WDR47: variants seen among roughly 807,000 people sequenced by gnomAD.
WDR47 encodes WD repeat domain 47, also known as WD repeat-containing protein 47.
WDR47 carries 32 observed loss-of-function variants against 97.2 expected under a neutral mutation model. That is an observed-to-expected ratio of 0.33 (90% CI 0.25 to 0.44). The LOEUF (loss-of-function observed/expected upper bound fraction) is 0.44, where lower values mean the gene tolerates loss of function less well. WDR47 is among the 20% of genes least tolerant of loss of function. The pLI, the probability that WDR47 is intolerant of heterozygous loss-of-function variation, is 1.00. For missense variants in WDR47, 782 were observed against 1,102.3 expected, an observed-to-expected ratio of 0.71 and a Z score of 4.11; for synonymous variants, 375 against 373.5, an observed-to-expected ratio of 1.00 and a Z score of -0.05.
intron 14 of WDR47, among the ~76,000 whole-genome samples, chr1:108,973,954 G>A (rs1657683374): frequency 6.6e-6 from 1 of 151,570 alleles, no homozygotes; most frequent in Non-Finnish European, 1.5e-5. Context: ...AGCACTCTGG[G>A]AGGCCAATGC....
intron 9 of WDR47, among the ~76,000 whole-genome samples, chr1:108,989,875 T>TA (rs1659184017): frequency 6.6e-6 from 1 of 152,066 alleles, no homozygotes; most frequent in East Asian, 1.9e-4. Context: ...TTTGTATTTT[T>TA]AGAAGAGATT....
intron 8 of WDR47, among the ~76,000 whole-genome samples, chr1:108,995,086 G>C (rs1659650154): frequency 6.6e-6 from 1 of 152,158 alleles, no homozygotes; most frequent in Non-Finnish European, 1.5e-5. Flanking sequence ...ATTAACACTT[G>C]TATACTAATG....
rs191774874 is a variant in WDR47 at position 109,002,454 on chromosome 1, A to T, written c.1255-52T>A. 27 of 1,335,872 alleles carry T rather than the reference A, an allele frequency of 2.0e-5. No individual in the cohort carries two copies. In the East Asian group the frequency reaches 6.6e-4, roughly 33 times the overall value. The allele number at this position is 1,335,872 out of a possible 1,614,324, so 82.8% of individuals were successfully genotyped here. Reference sequence around the variant, plus strand: ...ATATTTGAGCAAACTATGACAGAATATATCTTAACAGTACCTTTTATAAAT... The same window carrying T: ...ATATTTGAGCAAACTATGACAGAATTTATCTTAACAGTACCTTTTATAAAT... On this transcript the variant is annotated intron_variant, in intron 6 of 14. Transcript: ENST00000369962.
chr1:109,025,192 C>A (rs1344159127), intron 1 of WDR47, among the ~76,000 whole-genome samples: 1 of 152,022 alleles, frequency 6.6e-6, no homozygotes, highest in Admixed American at 6.6e-5. Context: ...AGTTCCAGCA[C>A]TTTGAGAGGT....
intron 5 of WDR47, among the ~76,000 whole-genome samples, chr1:109,007,042 A>G (rs1413550124): frequency 6.6e-6 from 1 of 151,742 alleles, no homozygotes; most frequent in East Asian, 1.9e-4. Flanking sequence ...GGCTCAATTG[A>G]TCCTCCCACC....
At chr1:109,006,562 A>G (rs1026216448) in intron 5 of WDR47, among the ~76,000 whole-genome samples, 2 of 152,238 alleles carry the variant, frequency 1.3e-5, no homozygotes, top group Admixed American at 6.5e-5. Flanking sequence ...TTTGCAACGT[A>G]TACAGAACTT....
intron 13 of WDR47, among the ~76,000 whole-genome samples, chr1:108,978,983 G>C (rs939468781): frequency 5.9e-5 from 9 of 152,280 alleles, no homozygotes; most frequent in African/African-American, 2.2e-4. Context: ...TTGAGGGTAA[G>C]AACTGGAAGG....
chr1:108,997,918 A>C (rs1659886451), intron 7 of WDR47, among the ~76,000 whole-genome samples: 1 of 152,094 alleles, frequency 6.6e-6, no homozygotes, highest in Non-Finnish European at 1.5e-5. Flanking sequence ...AATTATTGAG[A>C]GGTGTTGTGG....
At chr1:109,003,757 G>A (rs1467329419) in intron 6 of WDR47, among the ~76,000 whole-genome samples, 2 of 151,936 alleles carry the variant, frequency 1.3e-5, no homozygotes, top group African/African-American at 4.8e-5. Context: ...CACCTGTCTT[G>A]GCCTCCCAAA....
rs1036108816 is a variant in WDR47, at chr1:108,970,411, T to C, written c.*1019A>G. On this transcript the variant is annotated 3_prime_UTR_variant, in exon 15 of 15. Coordinates refer to ENST00000369962, the MANE Select transcript of WDR47 (RefSeq NM_001142551.2). ...TTTAAAGTAAAATTACTGTACAATATGAAAATAAAGATACATAAATGTTAG... is the reference window on the plus strand; with the variant it reads ...TTTAAAGTAAAATTACTGTACAATACGAAAATAAAGATACATAAATGTTAG... 1.3e-5 allele frequency: 2 copies of C among 152,538 alleles called. No individual in the cohort carries two copies. The highest frequency in any genetic ancestry group is 2.9e-5 in the Non-Finnish European group (2 of 68,012). The allele number at this position is 152,538 out of a possible 1,614,324, so 9.4% of individuals were successfully genotyped here. A position where few individuals can be genotyped will look rare whatever the true frequency, so the allele number is the denominator to read the frequency against.
At chr1:109,017,707 T>C in intron 2 of WDR47, 106 bp from the exon 3 acceptor site, 1 of 845,612 alleles carries the variant, frequency 1.2e-6, no homozygotes, top group South Asian at 1.6e-5. Context: ...AAGCACACAA[T>C]GAGATTAACA....
At chr1:109,017,274 G>T (rs1487504039) in intron 3 of WDR47, among the ~76,000 whole-genome samples, 1 of 152,054 alleles carries the variant, frequency 6.6e-6, no homozygotes, top group Non-Finnish European at 1.5e-5. Context: ...GATGGTACAC[G>T]CCTGTATAGT....
At chr1:108,995,959 T>C (rs1448588275) in intron 7 of WDR47, 122 bp from the exon 8 acceptor site, 2 of 1,032,262 alleles carry the variant, frequency 1.9e-6, no homozygotes, top group South Asian at 3.4e-5. Context: ...TATGGCAAAT[T>C]TAGTGTTAAA....
intron 6 of WDR47, among the ~76,000 whole-genome samples, chr1:109,003,801 AG>A (rs1236130197): frequency 6.6e-6 from 1 of 152,126 alleles, no homozygotes; most frequent in Non-Finnish European, 1.5e-5. Flanking sequence ...CACCATATCC[AG>A]CCTATATAAA....
Position 109,011,166 on chromosome 1 carries a change from A to G in WDR47, c.880T>C (p.Tyr294His). The G allele has an allele frequency of 1.2e-6, 2 of 1,614,188 alleles. No homozygotes were observed. Among genetic ancestry groups the G allele is most frequent in the Non-Finnish European group, 1.7e-6 (2 of 1,180,036 alleles). The change falls in exon 5 of 15, where the codon TAT becomes CAT. Residue 294 changes from tyrosine to histidine, a missense_variant. Physicochemically the swap from Tyr to His is moderately conservative, Grantham distance 83. Coordinates refer to ENST00000369962, the MANE Select transcript of WDR47 (RefSeq NM_001142551.2). ...GGTCTTCTCATTGGGGATGATGGAT[A>G]GGGAGAGAGTTTGCTGATAAGAGGA... The part of the protein sequence containing the change: ...LTPLISKLSP[Y>H]PSSPMRRPQS...
intron 1 of WDR47, among the ~76,000 whole-genome samples, chr1:109,040,712 T>C (rs1557973329): frequency 6.6e-6 from 1 of 152,152 alleles, no homozygotes; most frequent in African/African-American, 2.4e-5. Flanking sequence ...TCTTCCTAAA[T>C]GAGACCTCGA....
chr1:108,991,991 C>T (rs1300419996), intron 8 of WDR47, among the ~76,000 whole-genome samples: 2 of 151,918 alleles, frequency 1.3e-5, no homozygotes, highest in East Asian at 1.9e-4. Context: ...TCACTGTTTA[C>T]GGCCAGCCAA....
chr1:109,016,796 A>C (rs945841931), intron 3 of WDR47, among the ~76,000 whole-genome samples: 2 of 151,986 alleles, frequency 1.3e-5, no homozygotes, highest in African/African-American at 4.8e-5. Flanking sequence ...AGTTAAAAAA[A>C]AAAACAAAAA....
intron 1 of WDR47, among the ~76,000 whole-genome samples, chr1:109,026,280 G>T (rs1271289888): frequency 6.6e-6 from 1 of 151,672 alleles, no homozygotes; most frequent in Non-Finnish European, 1.5e-5. Flanking sequence ...CGAACTCCTG[G>T]GCTCAAGCAA....
Sources: gnomAD v4.1 joint callset for allele counts (sites outside exome capture counted in the v4.1 genomes callset) on GRCh38, gnomAD v4.1.1 for gene constraint, MANE v1.5 for transcripts, NCBI Gene and HGNC (gene_info 2026-07-23, HGNC 2026-07-21) for gene names.